Variants in DPYS observed in about 807,000 individuals in gnomAD.
DPYS encodes the protein dihydropyrimidine amidohydrolase.
Under a neutral mutation model 50.3 loss-of-function variants are expected in DPYS, and 39 were observed. That is an observed-to-expected ratio of 0.78 (90% confidence interval 0.60 to 1.01). The LOEUF is 1.01. DPYS is among the 50% of genes least tolerant of loss of function. DPYS has a pLI of 0.00. For synonymous variants in DPYS, 245 were observed against 250.7 expected (o/e 0.98, Z 0.22); for missense variants, 659 against 680.9 (o/e 0.97, Z 0.36).
intron 1 of DPYS, among the ~76,000 whole-genome samples, chr8:104,453,078 C>T (rs572040625): frequency 9.2e-5 from 14 of 152,248 alleles, no homozygotes; most frequent in African/African-American, 3.1e-4. Context: ...CGGATGCCCT[C>T]ATGTCCTACC....
intron 8 of DPYS, among the ~76,000 whole-genome samples, chr8:104,382,879 G>A (rs1811103123): frequency 6.6e-6 from 1 of 152,178 alleles, no homozygotes; most frequent in African/African-American, 2.4e-5. Flanking sequence ...TAACTGAGCA[G>A]ACTTTTGTGC....
At chr8:104,386,388 C>A (rs1457350363) in intron 8 of DPYS, among the ~76,000 whole-genome samples, 1 of 151,756 alleles carries the variant, frequency 6.6e-6, no homozygotes, top group Non-Finnish European at 1.5e-5. Context: ...CAAAAATTAT[C>A]CAGGTGTGGT....
chr8:104,389,872 A>G (rs150118655), intron 8 of DPYS, among the ~76,000 whole-genome samples: 30 of 152,254 alleles, frequency 2.0e-4, no homozygotes, highest in African/African-American at 7.0e-4. Flanking sequence ...AAAAAATACT[A>G]AGAAACTAAA....
At chr8:104,406,174 G>C (rs1168427333) in intron 7 of DPYS, among the ~76,000 whole-genome samples, 7 of 152,108 alleles carry the variant, frequency 4.6e-5, no homozygotes, top group African/African-American at 1.7e-4. Flanking sequence ...CTTCTAAGAG[G>C]CTGTAAGCTC....
intron 1 of DPYS, among the ~76,000 whole-genome samples, chr8:104,457,255 T>C (rs2140758152): frequency 1.3e-5 from 2 of 152,320 alleles, no homozygotes; most frequent in Middle Eastern, 3.4e-3. Context: ...CCGAGCCAAC[T>C]ACTAAGTGAC....
At chr8:104,382,083 TA>T (rs1259014268) in intron 8 of DPYS, among the ~76,000 whole-genome samples, 4 of 152,134 alleles carry the variant, frequency 2.6e-5, no homozygotes, top group Admixed American at 2.0e-4. Flanking sequence ...ATGGGGGAAA[TA>T]AACCTATCTC....
chr8:104,409,182 A>AGTCACAAACTAAAT (rs1264338025), intron 7 of DPYS, among the ~76,000 whole-genome samples: 1 of 151,948 alleles, frequency 6.6e-6, no homozygotes, highest in Non-Finnish European at 1.5e-5. Flanking sequence ...CCAACATGCC[A>AGTCACAAACTAAAT]GTCACAAACT....
At chr8:104,460,455 C>A (rs1446564743) in intron 1 of DPYS, among the ~76,000 whole-genome samples, 1 of 152,174 alleles carries the variant, frequency 6.6e-6, no homozygotes, top group Admixed American at 6.5e-5. Flanking sequence ...CCCGAGGCCT[C>A]CCCGGTCATG....
intron 3 of DPYS, among the ~76,000 whole-genome samples, chr8:104,445,611 T>G (rs1345881807): frequency 1.3e-5 from 2 of 151,602 alleles, no homozygotes; most frequent in South Asian, 4.2e-4. Flanking sequence ...GGATGGTTAC[T>G]AGAGGCTGGG....
At chr8:104,430,840 G>C (rs1369862951) in intron 4 of DPYS, among the ~76,000 whole-genome samples, 1 of 152,188 alleles carries the variant, frequency 6.6e-6, no homozygotes, top group Non-Finnish European at 1.5e-5. Context: ...CCATGGCTAA[G>C]TTACTTTGCT....
intron 4 of DPYS, among the ~76,000 whole-genome samples, chr8:104,441,662 G>A (rs867737270): frequency 1.6e-4 from 24 of 152,326 alleles, no homozygotes; most frequent in Non-Finnish European, 2.5e-4. Flanking sequence ...CCTCAGAAAG[G>A]GATGCAGCCC....
intron 7 of DPYS, among the ~76,000 whole-genome samples, chr8:104,400,055 C>T (rs1167906099): frequency 6.6e-6 from 1 of 151,908 alleles, no homozygotes; most frequent in Non-Finnish European, 1.5e-5. Context: ...GGGTACATCC[C>T]TGAGCTCAGA....
chr8:104,381,601 T>C (rs1676862711), intron 8 of DPYS, among the ~76,000 whole-genome samples: 1 of 152,128 alleles, frequency 6.6e-6, no homozygotes, highest in African/African-American at 2.4e-5. Context: ...TCTCCTGCTG[T>C]CCTTTCCAAC....
chr8:104,416,275 A>C (rs1389976223), intron 7 of DPYS, among the ~76,000 whole-genome samples: 1 of 152,142 alleles, frequency 6.6e-6, no homozygotes, highest in Non-Finnish European at 1.5e-5. Context: ...TATGCTAGAA[A>C]ACTGGCATAG....
intron 2 of DPYS, among the ~76,000 whole-genome samples, chr8:104,448,225 G>T (rs924613146): frequency 1.3e-5 from 2 of 149,024 alleles, no homozygotes; most frequent in Non-Finnish European, 3.0e-5. Context: ...GCATGATCTT[G>T]GTTCACTGCA....
Position 104,466,978 on chromosome 8 carries a change from C to T in DPYS, c.-58G>A, listed in dbSNP as rs991003881. On this transcript the variant is annotated 5_prime_UTR_variant, in exon 1 of 10. Transcript: ENST00000351513. Reference sequence around the variant, plus strand: ...GGCTGCGCGCAGGGGCTGGGTTGGGCGGGCCGGGCGGGCTTGGGGTGCCCT... The same window carrying T: ...GGCTGCGCGCAGGGGCTGGGTTGGGTGGGCCGGGCGGGCTTGGGGTGCCCT... 4.9e-5 allele frequency: 26 copies of T among 532,852 alleles called. No individual in the cohort carries two copies. Among genetic ancestry groups the T allele is most frequent in the Admixed American group, 2.1e-4 (4 of 18,840 alleles). 33.0% of individuals were successfully genotyped at this position (532,852 alleles called of 1,614,324 possible). A position where few individuals can be genotyped will look rare whatever the true frequency, so the allele number is the denominator to read the frequency against.
intron 7 of DPYS, among the ~76,000 whole-genome samples, chr8:104,399,880 A>AAAG (rs1811733608): frequency 6.6e-6 from 1 of 150,940 alleles, no homozygotes; most frequent in African/African-American, 2.4e-5. Context: ...AAAAAAAAAA[A>AAAG]AAAAAAAAAA....
chr8:104,440,371 C>T (rs994293008), intron 4 of DPYS, among the ~76,000 whole-genome samples: 27 of 152,188 alleles, frequency 1.8e-4, no homozygotes, highest in African/African-American at 6.3e-4. Context: ...TATAAATGCA[C>T]TTTCTGATTC....
At chr8:104,456,600 G>C (rs1229973777) in intron 1 of DPYS, among the ~76,000 whole-genome samples, 3 of 152,198 alleles carry the variant, frequency 2.0e-5, no homozygotes, top group Non-Finnish European at 2.9e-5. Flanking sequence ...GTATTGAATG[G>C]GAAAGGATGG....
Sources: allele counts gnomAD v4.1 joint callset (sites outside exome capture counted in the v4.1 genomes callset), GRCh38; gene constraint gnomAD v4.1.1; transcripts MANE v1.5; gene names NCBI Gene and HGNC (gene_info 2026-07-23, HGNC 2026-07-21).